Variants in ANAPC10 observed in about 807,000 individuals in gnomAD.
ANAPC10 encodes anaphase-promoting complex subunit 10.
A neutral mutation model predicts 22.0 loss-of-function variants in ANAPC10; 12 were observed. That is an observed-to-expected ratio of 0.55 (90% CI 0.35 to 0.88). The LOEUF is 0.88. Among genes scored for constraint, ANAPC10 ranks in the 40% least tolerant of loss-of-function variants. The pLI is 0.01. For synonymous variants in ANAPC10, 65 were observed against 69.5 expected, an observed-to-expected ratio of 0.94 and a Z score of 0.32; for missense variants, 188 against 220.9, an observed-to-expected ratio of 0.85 and a Z score of 0.94.
chr4:145,010,711 T>C (rs923400112), intron 4 of ANAPC10, among the ~76,000 whole-genome samples: 10 of 151,998 alleles, frequency 6.6e-5, no homozygotes, highest in African/African-American at 2.4e-4. Flanking sequence ...CATTAGGAGA[T>C]ATACCTAATG....
At chr4:144,998,539 G>A (rs538376557) in intron 4 of ANAPC10, among the ~76,000 whole-genome samples, 2 of 152,158 alleles carry the variant, frequency 1.3e-5, no homozygotes, top group Non-Finnish European at 2.9e-5. Context: ...ACAAAATGAA[G>A]GCAGAAATAA....
intron 4 of ANAPC10, among the ~76,000 whole-genome samples, chr4:145,015,794 CA>C (rs2126952586): frequency 6.6e-6 from 1 of 152,240 alleles, no homozygotes; most frequent in Admixed American, 6.5e-5. Flanking sequence ...TCAGCTTCCT[CA>C]AACAAAATTA....
Position 145,095,977 on chromosome 4 carries a change from G to C in ANAPC10, c.115+8C>G. 6.2e-7 allele frequency: 1 copy of C among 1,614,040 alleles called. No individual in the cohort carries two copies. The highest frequency in any genetic ancestry group is 2.2e-5 in the East Asian group (1 of 44,874). ...TTTCCAACAGCTTTTTTGTTTGTTA[G>C]TTTTTACCTGGTTTGCAAGATGAGA... is the stretch of plus-strand genomic sequence containing the variant. On this transcript the variant is annotated splice_region_variant and intron_variant, in intron 2 of 4. Coordinates refer to ENST00000507656, the MANE Select transcript of ANAPC10 (RefSeq NM_001256706.2).
At chr4:145,017,800 G>A (rs1735405702) in intron 4 of ANAPC10, among the ~76,000 whole-genome samples, 1 of 152,038 alleles carries the variant, frequency 6.6e-6, no homozygotes. Context: ...AAAAAAGGAT[G>A]AGTTCATGTC....
At chr4:145,091,889 A>T (rs1747732170) in intron 2 of ANAPC10, among the ~76,000 whole-genome samples, 1 of 152,168 alleles carries the variant, frequency 6.6e-6, no homozygotes, top group African/African-American at 2.4e-5. Flanking sequence ...CTTGGACAAA[A>T]GACCACAAAA....
At chr4:145,080,138 A>AC (rs1745784129) in intron 3 of ANAPC10, among the ~76,000 whole-genome samples, 1 of 149,314 alleles carries the variant, frequency 6.7e-6, no homozygotes, top group South Asian at 2.1e-4. Flanking sequence ...AAAAAAAAAA[A>AC]CACACATTGA....
intron 4 of ANAPC10, among the ~76,000 whole-genome samples, chr4:145,047,415 C>G (rs974692299): frequency 1.3e-5 from 2 of 152,136 alleles, no homozygotes; most frequent in Non-Finnish European, 2.9e-5. Flanking sequence ...GGGGGAATAT[C>G]AGCAAGTTTC....
chr4:145,004,869 T>C (rs1733113554), intron 4 of ANAPC10, among the ~76,000 whole-genome samples: 1 of 152,136 alleles, frequency 6.6e-6, no homozygotes, highest in South Asian at 2.1e-4. Context: ...CTTCACAGAA[T>C]GAATTAGGGG....
chr4:145,068,500 G>A (rs932188110), intron 3 of ANAPC10, among the ~76,000 whole-genome samples: 1 of 152,164 alleles, frequency 6.6e-6, no homozygotes, highest in Non-Finnish European at 1.5e-5. Flanking sequence ...TCTTCTTAAC[G>A]TGCTAGATAT....
intron 3 of ANAPC10, among the ~76,000 whole-genome samples, chr4:145,078,974 A>T (rs142061759): frequency 6.4e-4 from 97 of 152,242 alleles, no homozygotes; most frequent in African/African-American, 2.0e-3. Context: ...ATAGGACCTA[A>T]TAAAGACTTC....
intron 4 of ANAPC10, among the ~76,000 whole-genome samples, chr4:145,012,695 G>A (rs1205207420): frequency 6.6e-6 from 1 of 152,128 alleles, no homozygotes; most frequent in Non-Finnish European, 1.5e-5. Context: ...TTCAGACCTG[G>A]ATGGCTTTAT....
At chr4:145,082,492 T>G (rs541875630) in intron 2 of ANAPC10, among the ~76,000 whole-genome samples, 1 of 152,334 alleles carries the variant, frequency 6.6e-6, no homozygotes, top group African/African-American at 2.4e-5. Flanking sequence ...CAGTTTCTTG[T>G]GCTTTTTGCA....
chr4:145,023,395 T>C (rs1055605796), intron 4 of ANAPC10, among the ~76,000 whole-genome samples: 3 of 152,148 alleles, frequency 2.0e-5, no homozygotes, highest in Admixed American at 2.0e-4. Flanking sequence ...CTCCTCAGCT[T>C]TATCTTGAAC....
chr4:145,056,014 A>G (rs1205243449), intron 4 of ANAPC10, among the ~76,000 whole-genome samples: 1 of 152,176 alleles, frequency 6.6e-6, no homozygotes, highest in Non-Finnish European at 1.5e-5. Flanking sequence ...GCATGGGTCA[A>G]TGGCAAGCCT....
intron 4 of ANAPC10, among the ~76,000 whole-genome samples, chr4:145,044,066 C>T (rs1238852355): frequency 6.6e-6 from 1 of 152,068 alleles, no homozygotes. Context: ...CACTTTCCCC[C>T]TTCCTCCTGC....
intron 4 of ANAPC10, among the ~76,000 whole-genome samples, chr4:145,060,190 A>G (rs1742681666): frequency 6.6e-6 from 1 of 152,124 alleles, no homozygotes; most frequent in Non-Finnish European, 1.5e-5. Context: ...TGAATACAAG[A>G]AAGTAGAACG....
intron 2 of ANAPC10, among the ~76,000 whole-genome samples, chr4:145,091,864 T>C (rs1271259119): frequency 6.6e-6 from 1 of 152,072 alleles, no homozygotes; most frequent in Non-Finnish European, 1.5e-5. Context: ...AATGAGATAA[T>C]GTCCTTTGCA....
intron 1 of ANAPC10, among the ~76,000 whole-genome samples, chr4:145,096,699 A>T (rs1050728939): frequency 6.6e-6 from 1 of 152,098 alleles, no homozygotes; most frequent in Admixed American, 6.6e-5. Flanking sequence ...ATAAATATTG[A>T]TCCTCATTTT....
intron 4 of ANAPC10, among the ~76,000 whole-genome samples, chr4:145,025,690 C>A (rs1033663408): frequency 3.3e-5 from 5 of 152,112 alleles, no homozygotes; most frequent in African/African-American, 1.2e-4. Context: ...TGAAATACTA[C>A]AAGAATTACC....
Sources: allele counts gnomAD v4.1 joint callset (sites outside exome capture counted in the v4.1 genomes callset), GRCh38; gene constraint gnomAD v4.1.1; transcripts MANE v1.5; gene names NCBI Gene and HGNC (gene_info 2026-07-23, HGNC 2026-07-21).